PRPF8: variants seen among roughly 807,000 people sequenced by gnomAD.
PRPF8 encodes the protein pre-mRNA-processing-splicing factor 8.
PRPF8 carries 64 observed loss-of-function variants against 285.9 expected under a neutral mutation model. The ratio of observed to expected loss-of-function variants is 0.22; its 90% confidence interval spans 0.18 to 0.28. The LOEUF (loss-of-function observed/expected upper bound fraction) is 0.28. Among genes scored for constraint, PRPF8 ranks in the 10% least tolerant of loss-of-function variants. The probability of loss-of-function intolerance (pLI) is 1.00; values close to 1 mark genes in which losing one functional copy is unlikely to be tolerated. For missense variants in PRPF8, 1,426 were observed against 3,026.7 expected, an observed-to-expected ratio of 0.47 and a Z score of 12.41; for synonymous variants, 1,325 against 1,118.2, an observed-to-expected ratio of 1.18 and a Z score of -3.69.
chr17:1,677,555 A>T lies in PRPF8; in HGVS notation c.1984+10T>A. On this transcript the variant is annotated intron_variant, in intron 14 of 42. Transcript: ENST00000304992. ...AACAGGAGAAGTTGGACACAGAGAA[A>T]ACCACTCACCTTCAAACTGCCGGGC... is the stretch of plus-strand genomic sequence containing the variant. 1.2e-6 allele frequency: 2 copies of T among 1,613,992 alleles called. No homozygotes were observed. The highest frequency in any genetic ancestry group is 1.7e-6 in the Non-Finnish European group (2 of 1,179,990).
In PRPF8 at chr17:1,679,617, G is replaced by A. The variant is rs528335604; in HGVS notation, c.1281C>T (p.Val427=). 23 of 1,613,334 alleles carry A rather than the reference G, an allele frequency of 1.4e-5. No homozygotes were observed. In the Admixed American group the frequency reaches 3.5e-4, roughly 25 times the overall value. Residue 427 remains valine, a synonymous_variant, in exon 9 of 43, where the codon GTC becomes GTT. Transcript: ENST00000304992. This position sits in a 1 kb window ranked among gnomAD's most constrained non-coding sequence, Gnocchi z 4.7. The part of the protein sequence containing the change: ...RTRRALDIPL[V]KNWYREHCPA... ...ACAGGGAAAAACCTTACCAGTTCTT[G>A]ACAAGGGGTATGTCCAGGGCCCGAC...
chr17:1,676,490 CCTA>C lies in PRPF8; in HGVS notation c.2388+12_2388+14del, dbSNP rs1226407086. On this transcript the variant is annotated intron_variant, in intron 16 of 42. Coordinates refer to ENST00000304992, the MANE Select transcript of PRPF8 (RefSeq NM_006445.4). The surrounding 1 kb of genome is among the most constrained non-coding windows in gnomAD (Gnocchi z 6.3). The stretch of plus-strand genomic sequence containing the variant: ...CCCCCACCACTCACACCCAGCCCAG[CCTA>C]CTCTGCCCAACCTTCAGGTAGTTGT... 6.2e-7 allele frequency: 1 copy of C among 1,614,148 alleles called. No individual in the cohort carries two copies. The highest frequency in any genetic ancestry group is 8.5e-7 in the Non-Finnish European group (1 of 1,180,024).
rs549341124 is a variant in PRPF8 at position 1,672,214 on chromosome 17, G to A, written c.3774+867C>T. Among the ~76,000 whole-genome samples, 66 of 152,226 alleles carry A rather than the reference G, an allele frequency of 4.3e-4. 1 individual carries two copies. The South Asian group carries it at 0.012, about 28-fold the overall frequency. On this transcript the variant is annotated intron_variant, in intron 24 of 42. Coordinates refer to ENST00000304992, the MANE Select transcript of PRPF8 (RefSeq NM_006445.4). ...CCGCACATTTAGAGATATGAAGGTC[G>A]GAATGCAAGAAAAATGTTATAGCTA... is the stretch of plus-strand genomic sequence containing the variant.
At chr17:1,663,092 T>G (rs1380669434) in intron 24 of PRPF8, among the ~76,000 whole-genome samples, 1 of 152,212 alleles carries the variant, frequency 6.6e-6, no homozygotes, top group Non-Finnish European at 1.5e-5. Flanking sequence ...AAGTGTATTA[T>G]TCTAAGGTTC....
Position 1,660,004 on chromosome 17 carries a change from G to A in PRPF8, c.4786-3C>T, listed in dbSNP as rs761020469. 6.2e-7 allele frequency: 1 copy of A among 1,613,908 alleles called. No individual in the cohort carries two copies. The highest frequency in any genetic ancestry group is 8.5e-7 in the Non-Finnish European group (1 of 1,179,822). On this transcript the variant is annotated splice_polypyrimidine_tract_variant and splice_region_variant and intron_variant, in intron 30 of 42. Coordinates refer to ENST00000304992, the MANE Select transcript of PRPF8 (RefSeq NM_006445.4). ...GCATCAAGTTCCTGGTCAAACACCT[G>A]AAGGAAAACATGGAGAGATTAAGAC...
chr17:1,655,312 A>C, intron 37 of PRPF8, 38 bp downstream of exon 37: 1 of 1,610,612 alleles, frequency 6.2e-7, no homozygotes, highest in Non-Finnish European at 8.5e-7. Flanking sequence ...AAAACCGTAT[A>C]TAGACCTCCT....
intron 24 of PRPF8, among the ~76,000 whole-genome samples, chr17:1,662,877 T>TG (rs1193295420): frequency 4.9e-4 from 71 of 143,972 alleles, no homozygotes; most frequent in African/African-American, 1.8e-3. Context: ...GCACACCAGA[T>TG]GGAGCTATAC....
Position 1,661,405 on chromosome 17 carries a change from G to A in PRPF8, c.4204C>T (p.Arg1402Cys), listed in dbSNP as rs563667441. 2 of 1,614,120 alleles carry A rather than the reference G, an allele frequency of 1.2e-6. No individual in the cohort carries two copies. The highest frequency in any genetic ancestry group is 1.3e-5 in the African/African-American group (1 of 75,030). Residue 1402 changes from arginine (R) to cysteine (C), a missense_variant and splice_region_variant, in exon 27 of 43, where the codon CGC becomes TGC. By Grantham distance (180) the Arg-to-Cys change is radical (BLOSUM62 -3). Coordinates refer to ENST00000304992, the MANE Select transcript of PRPF8 (RefSeq NM_006445.4). The surrounding 1 kb of genome is among the most constrained non-coding windows in gnomAD (Gnocchi z 7.3). The stretch of plus-strand genomic sequence containing the variant: ...TCTTCTAGGTCTTCTAAAGTCAGGC[G>A]TCTTCCAAAAAAAGAAAGATTCAAG... Reference protein sequence around the residue: ...KRQEAIAQNRRLTLEDLEDSW... With the variant: ...KRQEAIAQNRCLTLEDLEDSW...
Position 1,659,265 on chromosome 17 carries a change from A to G in PRPF8, c.5138+92T>C. Reference sequence around the variant, plus strand: ...GGTCTCAAACTCCTGAGCTCAGACAATCTGCCCACCGCGGCCTCCCAAAGT... The same window carrying G: ...GGTCTCAAACTCCTGAGCTCAGACAGTCTGCCCACCGCGGCCTCCCAAAGT... On this transcript the variant is annotated intron_variant, in intron 32 of 42. Coordinates refer to ENST00000304992, the MANE Select transcript of PRPF8 (RefSeq NM_006445.4). This position sits in a 1 kb window ranked among gnomAD's most constrained non-coding sequence, Gnocchi z 5.1. The G allele has an allele frequency of 3.5e-6, 5 of 1,422,716 alleles. No individual in the cohort carries two copies. The highest frequency in any genetic ancestry group is 2.3e-5 in the South Asian group (2 of 86,846). The allele number at this position is 1,422,716 out of a possible 1,614,324, so 88.1% of individuals were successfully genotyped here.
intron 13 of PRPF8, among the ~76,000 whole-genome samples, chr17:1,678,234 C>T (rs1912714110): frequency 6.6e-6 from 1 of 151,934 alleles, no homozygotes; most frequent in South Asian, 2.1e-4. Flanking sequence ...AGAATCACTT[C>T]AACCCGGGAG....
Position 1,658,401 on chromosome 17 carries a change from G to A in PRPF8, c.5377-20C>T, listed in dbSNP as rs566646595. The A allele has an allele frequency of 1.9e-5, 30 of 1,614,170 alleles. No individual in the cohort carries two copies. Among genetic ancestry groups the A allele is most frequent in the South Asian group, 1.3e-4 (12 of 91,084 alleles). On this transcript the variant is annotated intron_variant, in intron 33 of 42. Transcript: ENST00000304992. The surrounding 1 kb of genome is among the most constrained non-coding windows in gnomAD (Gnocchi z 4.1). ...AAAGGTCTAGAGGAGGACGGCATTC[G>A]TTAGCATGGCCTACACAACACATCC...
At chr17:1,674,356 A>C in intron 21 of PRPF8, 86 bp downstream of exon 21, 1 of 1,370,328 alleles carries the variant, frequency 7.3e-7, no homozygotes, top group Middle Eastern at 2.1e-4. Context: ...ACAGCAGTTA[A>C]GTCAACTCAG....
At chr17:1,663,581 C>T (rs897440216) in intron 24 of PRPF8, among the ~76,000 whole-genome samples, 4 of 151,650 alleles carry the variant, frequency 2.6e-5, no homozygotes, top group South Asian at 2.1e-4. Context: ...TGGTGGCACG[C>T]GCCTGTAGTC....
In PRPF8 at chr17:1,676,390, T is replaced by G; in HGVS notation, c.2389-20A>C. 6.2e-7 allele frequency: 1 copy of G among 1,614,086 alleles called. No individual in the cohort carries two copies. Among genetic ancestry groups the G allele is most frequent in the Non-Finnish European group, 8.5e-7 (1 of 1,180,014 alleles). The stretch of plus-strand genomic sequence containing the variant: ...CCCGTCCTGTAAGGTGGACATGAAA[T>G]TAGCCTCCCGCTACAGCCCGATCCT... On this transcript the variant is annotated intron_variant, in intron 16 of 42. Transcript: ENST00000304992. This position sits in a 1 kb window ranked among gnomAD's most constrained non-coding sequence, Gnocchi z 6.3.
rs1911708548 is a variant in PRPF8, at chr17:1,662,283, G to A, written c.3775-130C>T. The stretch of plus-strand genomic sequence containing the variant: ...GAGTTCAACATCATTAGTCACTAGG[G>A]AAATAGAAAGCAAAACACAATGAGG... On this transcript the variant is annotated intron_variant, in intron 24 of 42. Transcript: ENST00000304992. 1.1e-5 allele frequency: 12 copies of A among 1,080,372 alleles called. No individual in the cohort carries two copies. The South Asian group carries it at 1.6e-4, about 15-fold the overall frequency. The allele number at this position is 1,080,372 out of a possible 1,614,324, so 66.9% of individuals were successfully genotyped here.
At chr17:1,677,325 C>T in intron 14 of PRPF8, 153 bp from the exon 15 acceptor site, 1 of 976,400 alleles carries the variant, frequency 1.0e-6, no homozygotes, top group East Asian at 2.5e-5. Flanking sequence ...AGACGAGCTA[C>T]CTTAAACATT....
chr17:1,652,000 TG>T lies in PRPF8; in HGVS notation c.6370-213del, dbSNP rs1478934764. 2 of 665,064 alleles carry T rather than the reference TG, an allele frequency of 3.0e-6. No individual in the cohort carries two copies. The highest frequency in any genetic ancestry group is 5.3e-6 in the Non-Finnish European group (2 of 375,436). The allele number at this position is 665,064 out of a possible 1,614,324, so 41.2% of individuals were successfully genotyped here. ...ACTTACCACATCAGAATCTCCTGAG[TG>T]GGGTCCAGGAATCTGCACTGCTCAC... On this transcript the variant is annotated intron_variant, in intron 39 of 42. Transcript: ENST00000304992. The surrounding 1 kb of genome is among the most constrained non-coding windows in gnomAD (Gnocchi z 5.1).
chr17:1,674,375 G>A (rs1464954616), intron 21 of PRPF8, 67 bp downstream of exon 21: 3 of 1,484,794 alleles, frequency 2.0e-6, no homozygotes, highest in South Asian at 2.3e-5. Context: ...AGGTACAATA[G>A]CTGATTTCAG....
At chr17:1,674,012 C>T (rs906588997) in intron 21 of PRPF8, 120 bp from the exon 22 acceptor site, 2 of 1,073,596 alleles carry the variant, frequency 1.9e-6, no homozygotes, top group Non-Finnish European at 2.7e-6. Flanking sequence ...CCCCGGGCTT[C>T]ATTCCATTTT....
Sources: allele counts gnomAD v4.1 joint callset (sites outside exome capture counted in the v4.1 genomes callset), GRCh38; gene constraint gnomAD v4.1.1; non-coding constraint Gnocchi (gnomAD v3.1); transcripts MANE v1.5; gene names NCBI Gene and HGNC (gene_info 2026-07-23, HGNC 2026-07-21).